Variants in DISP3 observed in about 807,000 individuals in gnomAD.
DISP3 encodes dispatched RND transporter family member 3.
Under a neutral mutation model 135.3 loss-of-function variants are expected in DISP3, and 101 were observed. That is an observed-to-expected ratio of 0.75 (90% confidence interval 0.64 to 0.88). The LOEUF (loss-of-function observed/expected upper bound fraction) is 0.88, where lower values mean the gene tolerates loss of function less well. Ranked by LOEUF, DISP3 falls within the 40% of genes least tolerant of loss-of-function variation. DISP3 has a pLI of 0.00. For missense variants in DISP3, 1,713 were observed against 1,878.6 expected (o/e 0.91, Z 1.63); for synonymous variants, 856 against 817.0 (o/e 1.05, Z -0.81).
rs1444295177 is a variant in DISP3 at position 11,535,615 on chromosome 1, G to A, written c.3787G>A (p.Gly1263Arg). 1.2e-6 allele frequency: 2 copies of A among 1,613,002 alleles called. No individual in the cohort carries two copies. Among genetic ancestry groups the A allele is most frequent in the Admixed American group, 3.3e-5 (2 of 59,984 alleles). ...VHLVEGYLLA[G>R]ENLPPHQAED... ...CCTGGTCGAGGGCTACCTGCTGGCTGGAGAGAACCTGCCCCCCCACCAGGC... is the reference window on the plus strand; with the variant it reads ...CCTGGTCGAGGGCTACCTGCTGGCTAGAGAGAACCTGCCCCCCCACCAGGC... Residue 1263 changes from glycine (G) to arginine (R), a missense_variant, in exon 20 of 21, where the codon GGA becomes AGA. This residue lies in a region of DISP3 where 1,142 missense variants were observed against 1,384.6 expected (regional missense o/e 0.82). Transcript: ENST00000294484.
intron 3 of DISP3, among the ~76,000 whole-genome samples, chr1:11,511,951 G>T (rs1641867469): frequency 6.6e-6 from 1 of 152,146 alleles, no homozygotes; most frequent in Non-Finnish European, 1.5e-5. Context: ...CCAAAGCTTG[G>T]GGCTTCCACC....
In DISP3 at chr1:11,531,163, A is replaced by G. The variant is rs551473401; in HGVS notation, c.3229+130A>G. The G allele has an allele frequency of 2.2e-5, 31 of 1,425,900 alleles. No homozygotes were observed. The highest frequency in any genetic ancestry group is 2.1e-4 in the African/African-American group (15 of 71,264). 88.3% of individuals were successfully genotyped at this position (1,425,900 alleles called of 1,614,324 possible). ...ATGTGGGGGTCTTTTGCAGATGTGT[A>G]TCTGTGCTGAGCATGTCCACACCAG... On this transcript the variant is annotated intron_variant, in intron 16 of 20. Coordinates refer to ENST00000294484, the MANE Select transcript of DISP3 (RefSeq NM_020780.2). This position sits in a 1 kb window ranked among gnomAD's most constrained non-coding sequence, Gnocchi z 5.2.
At chr1:11,494,848 G>A (rs1178288426) in intron 1 of DISP3, among the ~76,000 whole-genome samples, 1 of 152,146 alleles carries the variant, frequency 6.6e-6, no homozygotes, top group Non-Finnish European at 1.5e-5. Flanking sequence ...TGGCTGGTAT[G>A]GGGGAGTGGA....
Position 11,505,162 on chromosome 1 carries a change from G to A in DISP3, c.1316+2265G>A, listed in dbSNP as rs1270832198. Among the ~76,000 whole-genome samples, 6 of 152,220 alleles carry A rather than the reference G, an allele frequency of 3.9e-5. No homozygotes were observed. In the East Asian group the frequency reaches 1.2e-3, roughly 29 times the overall value. ...AAGCTCAAGTTCTGTCCCAGACCTG[G>A]CAGTATTTTCAGGTGATTTGTTTGC... On this transcript the variant is annotated intron_variant, in intron 3 of 20. Transcript: ENST00000294484.
At chr1:11,523,666 AGAGTGGCACAGAGAGGGCG>A in intron 10 of DISP3, among the ~76,000 whole-genome samples, 1 of 151,514 alleles carries the variant, frequency 6.6e-6, no homozygotes, top group Non-Finnish European at 1.5e-5. Flanking sequence ...AGCAGGGGGC[AGAGTGGCACAGAGAGGGCG>A]AGCAGGGAGC....
chr1:11,530,180 G>A (rs1322368489), intron 15 of DISP3, among the ~76,000 whole-genome samples: 6 of 152,188 alleles, frequency 3.9e-5, no homozygotes, highest in African/African-American at 1.4e-4. Flanking sequence ...CTGGGTTTAG[G>A]GCCCAAGCTG....
intron 1 of DISP3, among the ~76,000 whole-genome samples, chr1:11,484,863 G>A (rs1188493883): frequency 1.3e-5 from 2 of 152,102 alleles, no homozygotes; most frequent in Non-Finnish European, 2.9e-5. Flanking sequence ...GGGAGATAGT[G>A]TCCAGGGACC....
chr1:11,482,842 C>T (rs11121750), intron 1 of DISP3, among the ~76,000 whole-genome samples: 47,944 of 151,968 alleles, frequency 0.32, 8,448 homozygotes, highest in East Asian at 0.5. Flanking sequence ...CTGCCCTCCC[C>T]CTACCCAAGC....
Position 11,516,310 on chromosome 1 carries a change from C to T in DISP3, c.1749+149C>T, listed in dbSNP as rs1422734055. 19 of 931,978 alleles carry T rather than the reference C, an allele frequency of 2.0e-5. No homozygotes were observed. Among genetic ancestry groups the T allele is most frequent in the Non-Finnish European group, 2.9e-5 (19 of 644,876 alleles). The allele number at this position is 931,978 out of a possible 1,614,324, so 57.7% of individuals were successfully genotyped here. Reference sequence around the variant, plus strand: ...CTGGCTCTAGAGTTCATTTTTGTCACGAATCACCCATTACCCAAACTTAAC... The same window carrying T: ...CTGGCTCTAGAGTTCATTTTTGTCATGAATCACCCATTACCCAAACTTAAC... On this transcript the variant is annotated intron_variant, in intron 6 of 20. Coordinates refer to ENST00000294484, the MANE Select transcript of DISP3 (RefSeq NM_020780.2). This position sits in a 1 kb window ranked among gnomAD's most constrained non-coding sequence, Gnocchi z 5.1.
Position 11,531,745 on chromosome 1 carries a change from C to T in DISP3, c.3375+35C>T, listed in dbSNP as rs373934618. 1.5e-5 allele frequency: 23 copies of T among 1,560,198 alleles called. No homozygotes were observed. In the South Asian group the frequency reaches 2.2e-4, roughly 15 times the overall value. On this transcript the variant is annotated intron_variant, in intron 17 of 20. Transcript: ENST00000294484. This position sits in a 1 kb window ranked among gnomAD's most constrained non-coding sequence, Gnocchi z 5.2. ...GGCAGCCTCACTGGGTGCCATGCTGCGTACTTGCCCGGGGTGTGCCACCTC... is the reference window on the plus strand; with the variant it reads ...GGCAGCCTCACTGGGTGCCATGCTGTGTACTTGCCCGGGGTGTGCCACCTC...
intron 10 of DISP3, among the ~76,000 whole-genome samples, chr1:11,522,953 A>AGGACCCAGCCAGAACCCAG (rs1557615821): frequency 2.4e-5 from 2 of 83,122 alleles, no homozygotes; most frequent in Admixed American, 1.1e-4. Context: ...CCAGAGCCCA[A>AGGACCCAGCCAGAACCCAG]CCAGGACCCA....
intron 1 of DISP3, among the ~76,000 whole-genome samples, chr1:11,493,496 G>C (rs1400906507): frequency 6.6e-6 from 1 of 152,100 alleles, no homozygotes; most frequent in Non-Finnish European, 1.5e-5. Context: ...AGGCGGAGGT[G>C]GGCGGATCAC....
intron 1 of DISP3, 59 bp from the exon 2 acceptor site, chr1:11,500,931 C>T (rs776135722): frequency 4.1e-5 from 65 of 1,581,060 alleles, no homozygotes; most frequent in Non-Finnish European, 5.4e-5. Context: ...CGAACTGCAC[C>T]ACAGGGCACC....
chr1:11,522,859 G>A (rs868350088), intron 10 of DISP3, among the ~76,000 whole-genome samples: 394 of 22,630 alleles, frequency 0.017, no homozygotes, highest in African/African-American at 0.061. Flanking sequence ...GCCCAGCCAG[G>A]ACCCAGCCAG....
At chr1:11,493,166 A>G (rs781751562) in intron 1 of DISP3, among the ~76,000 whole-genome samples, 7 of 152,200 alleles carry the variant, frequency 4.6e-5, no homozygotes, top group East Asian at 1.9e-4. Flanking sequence ...AGCTGATGGT[A>G]TAGTTGCAGT....
intron 10 of DISP3, among the ~76,000 whole-genome samples, chr1:11,522,761 A>ACCCAGCCAGGG (rs1642264751): frequency 6.4e-5 from 1 of 15,638 alleles, no homozygotes; most frequent in South Asian, 2.2e-3. Flanking sequence ...CCCAGCCAGG[A>ACCCAGCCAGGG]CCCAGCCAGG....
chr1:11,536,486 G>T lies in DISP3; in HGVS notation c.3979G>T (p.Gly1327Cys). 5 of 1,613,478 alleles carry T rather than the reference G, an allele frequency of 3.1e-6. No homozygotes were observed. The highest frequency in any genetic ancestry group is 4.2e-6 in the Non-Finnish European group (5 of 1,179,922). The change falls in exon 21 of 21, where the codon GGC becomes TGC. Residue 1327 changes from glycine to cysteine, a missense_variant. Physicochemically the swap from Gly to Cys is radical, Grantham distance 159. Transcript: ENST00000294484. The surrounding 1 kb of genome is among the most constrained non-coding windows in gnomAD (Gnocchi z 4.3). ...CGGCAAGATTGTGGCACTCAACACG[G>T]GCGTGTCCATCCTCTACACGCTGAC... Reference protein sequence around the residue: ...KFGKIVALNTGVSILYTLTVS... With the variant: ...KFGKIVALNTCVSILYTLTVS...
intron 3 of DISP3, among the ~76,000 whole-genome samples, chr1:11,513,307 T>C (rs1020658737): frequency 6.6e-6 from 1 of 152,050 alleles, no homozygotes; most frequent in Non-Finnish European, 1.5e-5. Context: ...ATAAATAAAA[T>C]CTCTTTTAGT....
intron 3 of DISP3, among the ~76,000 whole-genome samples, chr1:11,504,018 C>T (rs911595963): frequency 2.0e-5 from 3 of 152,116 alleles, no homozygotes; most frequent in Non-Finnish European, 4.4e-5. Context: ...TAGTGCTTTC[C>T]CAGTCCCCCA....
Sources: allele counts gnomAD v4.1 joint callset (sites outside exome capture counted in the v4.1 genomes callset), GRCh38; gene constraint gnomAD v4.1.1; regional missense constraint gnomAD v4.1.1; non-coding constraint Gnocchi (gnomAD v3.1); transcripts MANE v1.5; gene names NCBI Gene and HGNC (gene_info 2026-07-23, HGNC 2026-07-21).